IP6K1: variants seen among roughly 807,000 people sequenced by gnomAD.
The protein encoded by IP6K1 is inositol hexakisphosphate kinase 1.
A neutral mutation model predicts 38.3 loss-of-function variants in IP6K1; 13 were observed. The ratio of observed to expected loss-of-function variants is 0.34; its 90% CI spans 0.22 to 0.54. IP6K1 has a LOEUF of 0.54. IP6K1 is among the 20% of genes least tolerant of loss of function. The probability of loss-of-function intolerance (pLI) is 0.92; values close to 1 mark genes in which losing one functional copy is unlikely to be tolerated. For missense variants in IP6K1, 397 were observed against 599.8 expected (o/e 0.66, Z 3.53); for synonymous variants, 212 against 229.9 (o/e 0.92, Z 0.70).
At chr3:49,772,408 C>A (rs9870755) in intron 1 of IP6K1, among the ~76,000 whole-genome samples, 1 of 149,970 alleles carries the variant, frequency 6.7e-6, no homozygotes, top group South Asian at 2.1e-4. Context: ...TATTCTAGAG[C>A]GTTCTCTTTT....
chr3:49,762,915 G>A (rs957639381), intron 1 of IP6K1, among the ~76,000 whole-genome samples: 1 of 151,842 alleles, frequency 6.6e-6, no homozygotes, highest in African/African-American at 2.4e-5. Flanking sequence ...GGGATTATAG[G>A]AGCGCACAAC....
At chr3:49,764,475 TAATA>T (rs1380047061) in intron 1 of IP6K1, among the ~76,000 whole-genome samples, 2 of 152,206 alleles carry the variant, frequency 1.3e-5, no homozygotes. Flanking sequence ...AGTAGGCTAC[TAATA>T]ATTAAGCTCT....
chr3:49,730,591 G>C (rs575773154), intron 4 of IP6K1, among the ~76,000 whole-genome samples: 2 of 152,198 alleles, frequency 1.3e-5, no homozygotes, highest in African/African-American at 4.8e-5. Flanking sequence ...CCTTTGCCCA[G>C]GCTGGAGTGC....
At chr3:49,780,944 T>C (rs2081060110) in intron 1 of IP6K1, among the ~76,000 whole-genome samples, 1 of 152,156 alleles carries the variant, frequency 6.6e-6, no homozygotes, top group Non-Finnish European at 1.5e-5. Flanking sequence ...ACAAATCTAG[T>C]ACATCTTTAT....
At chr3:49,763,620 CTCA>C (rs2080884953) in intron 1 of IP6K1, among the ~76,000 whole-genome samples, 1 of 152,066 alleles carries the variant, frequency 6.6e-6, no homozygotes, top group African/African-American at 2.4e-5. Flanking sequence ...AGTATTACTA[CTCA>C]TCATATTAAC....
chr3:49,764,859 A>G (rs1351442074), intron 1 of IP6K1, among the ~76,000 whole-genome samples: 1 of 151,642 alleles, frequency 6.6e-6, no homozygotes, highest in Non-Finnish European at 1.5e-5. Context: ...CCTGGGTGAC[A>G]GAGTGAAACT....
At chr3:49,739,483 A>G (rs2080645587) in intron 2 of IP6K1, among the ~76,000 whole-genome samples, 1 of 151,090 alleles carries the variant, frequency 6.6e-6, no homozygotes, top group Non-Finnish European at 1.5e-5. Flanking sequence ...CCTCCTGAGT[A>G]GCTGGGACTA....
chr3:49,784,459 A>C (rs189975561), intron 1 of IP6K1, among the ~76,000 whole-genome samples: 1 of 152,126 alleles, frequency 6.6e-6, no homozygotes, highest in Non-Finnish European at 1.5e-5. Context: ...AGCCTGAACA[A>C]CATGGTGAAA....
At chr3:49,744,240 A>G (rs570969712) in intron 2 of IP6K1, among the ~76,000 whole-genome samples, 1 of 151,610 alleles carries the variant, frequency 6.6e-6, no homozygotes, top group Non-Finnish European at 1.5e-5. Context: ...GTCTCTACTA[A>G]AAATACAAAA....
In IP6K1 at chr3:49,738,453, T is replaced by C; in HGVS notation, c.224-31A>G. On this transcript the variant is annotated intron_variant, in intron 2 of 5. Transcript: ENST00000321599. ...AAAAAAAGGGCAGTTGGTAAACAAA[T>C]GTCAACACAGGCCGAGTCTATGCAG... is the stretch of plus-strand genomic sequence containing the variant. 1.9e-6 allele frequency: 3 copies of C among 1,558,970 alleles called. No individual in the cohort carries two copies. In the South Asian group the frequency reaches 3.3e-5, roughly 17 times the overall value.
intron 4 of IP6K1, among the ~76,000 whole-genome samples, chr3:49,731,905 A>AAAAAAAAAAAAAAAAAAAAAAAAAAAAT: frequency 7.0e-6 from 1 of 142,564 alleles, no homozygotes; most frequent in East Asian, 2.0e-4. Flanking sequence ...AAAAAAAAAA[A>AAAAAAAAAAAAAAAAAAAAAAAAAAAAT]GGAATTCCTA....
intron 1 of IP6K1, among the ~76,000 whole-genome samples, chr3:49,774,378 A>G (rs1246821203): frequency 7.1e-6 from 1 of 140,678 alleles, no homozygotes; most frequent in Non-Finnish European, 1.5e-5. Context: ...ACTGCAGTCC[A>G]GCCTGGGCGA....
chr3:49,746,912 G>T (rs2108236425), intron 2 of IP6K1, among the ~76,000 whole-genome samples: 1 of 152,266 alleles, frequency 6.6e-6, no homozygotes, highest in South Asian at 2.1e-4. Flanking sequence ...GAAGAATGGG[G>T]AGTTATTATT....
intron 1 of IP6K1, among the ~76,000 whole-genome samples, chr3:49,769,560 T>C (rs1443069958): frequency 1.3e-5 from 2 of 152,124 alleles, no homozygotes; most frequent in East Asian, 3.9e-4. Flanking sequence ...GGAGAGAAAA[T>C]TTTGGTAGTT....
chr3:49,775,569 G>A (rs2081000022), intron 1 of IP6K1: 2 of 1,053,018 alleles, frequency 1.9e-6, no homozygotes, highest in Non-Finnish European at 2.8e-6. Context: ...CTCTAAGACA[G>A]ACCTCTTCTA....
chr3:49,764,388 G>A (rs1422003237), intron 1 of IP6K1, among the ~76,000 whole-genome samples: 4 of 151,692 alleles, frequency 2.6e-5, no homozygotes, highest in South Asian at 4.2e-4. Flanking sequence ...TCTCTAAAAC[G>A]AGAAAAATTT....
intron 4 of IP6K1, among the ~76,000 whole-genome samples, chr3:49,732,267 A>C (rs568249945): frequency 6.6e-6 from 1 of 152,234 alleles, no homozygotes; most frequent in South Asian, 2.1e-4. Context: ...GGTGTTTATC[A>C]TCAGATAAAA....
At chr3:49,759,920 C>T (rs974947334) in intron 1 of IP6K1, among the ~76,000 whole-genome samples, 6 of 152,102 alleles carry the variant, frequency 3.9e-5, no homozygotes, top group East Asian at 3.8e-4. Context: ...TTCTTTCTTT[C>T]GAGACAGGGT....
chr3:49,751,692 T>C (rs192238596), intron 1 of IP6K1, among the ~76,000 whole-genome samples: 4 of 152,348 alleles, frequency 2.6e-5, no homozygotes, highest in Non-Finnish European at 4.4e-5. Context: ...TATGAGTTTA[T>C]GCACCTCTCA....
Sources: allele counts gnomAD v4.1 joint callset (sites outside exome capture counted in the v4.1 genomes callset), GRCh38; gene constraint gnomAD v4.1.1; transcripts MANE v1.5; gene names NCBI Gene and HGNC (gene_info 2026-07-23, HGNC 2026-07-21).